SEPTIN11: variants seen among roughly 807,000 people sequenced by gnomAD.
SEPTIN11 encodes the protein septin-11.
A neutral mutation model predicts 51.4 loss-of-function variants in SEPTIN11; 25 were observed. The ratio of observed to expected loss-of-function variants is 0.49; its 90% CI spans 0.35 to 0.68. The LOEUF (loss-of-function observed/expected upper bound fraction) is 0.68. Among genes scored for constraint, SEPTIN11 ranks in the 30% least tolerant of loss-of-function variants. The pLI is 0.00. For missense variants in SEPTIN11, 381 were observed against 520.8 expected, an observed-to-expected ratio of 0.73 and a Z score of 2.61; for synonymous variants, 174 against 184.1, an observed-to-expected ratio of 0.95 and a Z score of 0.44.
intron 1 of SEPTIN11, among the ~76,000 whole-genome samples, chr4:76,990,758 C>T (rs1028999830): frequency 2.0e-5 from 3 of 152,226 alleles, no homozygotes; most frequent in East Asian, 1.9e-4. Flanking sequence ...AGAATGTTCA[C>T]ACAAGAACAA....
chr4:76,964,298 ATTT>A (rs34041277), intron 1 of SEPTIN11, among the ~76,000 whole-genome samples: 3,019 of 133,330 alleles, frequency 0.023, 86 homozygotes, highest in African/African-American at 0.078. Flanking sequence ...TTGGCCAATC[ATTT>A]TTTTTTTTTT....
At chr4:76,982,681 T>C (rs1364477743) in intron 1 of SEPTIN11, among the ~76,000 whole-genome samples, 1 of 152,238 alleles carries the variant, frequency 6.6e-6, no homozygotes, top group Non-Finnish European at 1.5e-5. Context: ...CAATAACTTA[T>C]CTCCCTAATA....
At chr4:76,978,346 C>A (rs753996042) in intron 1 of SEPTIN11, among the ~76,000 whole-genome samples, 5 of 152,156 alleles carry the variant, frequency 3.3e-5, no homozygotes, top group African/African-American at 7.2e-5. Flanking sequence ...CCATGACAAC[C>A]TACCTCTCCA....
intron 1 of SEPTIN11, among the ~76,000 whole-genome samples, chr4:76,979,876 A>G (rs1374395810): frequency 6.6e-6 from 1 of 151,962 alleles, no homozygotes; most frequent in Non-Finnish European, 1.5e-5. Context: ...GGGGCAAACA[A>G]GCACCCAATA....
At chr4:77,010,028 C>T (rs967858243) in intron 3 of SEPTIN11, 2 of 151,982 alleles carry the variant, frequency 1.3e-5, no homozygotes, top group Admixed American at 1.3e-4. Flanking sequence ...TCTAAAAAGT[C>T]AGGCTTGATT....
In SEPTIN11 at chr4:77,036,432, G is replaced by A. The variant is rs1245516914; in HGVS notation, c.*1920G>A. Reference sequence around the variant, plus strand: ...TGTATGCTTGTTCCAACCACCGCTTGTGTGAGCATTTTTGTGGCTTGTACA... The same window carrying A: ...TGTATGCTTGTTCCAACCACCGCTTATGTGAGCATTTTTGTGGCTTGTACA... On this transcript the variant is annotated 3_prime_UTR_variant, in exon 10 of 10. Transcript: ENST00000264893. The A allele has an allele frequency of 7.6e-6, 9 of 1,179,082 alleles. 1 individual carries two copies. The highest frequency in any genetic ancestry group is 2.1e-6 in the Non-Finnish European group (2 of 948,216). The allele number at this position is 1,179,082 out of a possible 1,614,324, so 73.0% of individuals were successfully genotyped here.
chr4:77,036,467 CT>C lies in SEPTIN11; in HGVS notation c.*1959del, dbSNP rs1727030091. On this transcript the variant is annotated 3_prime_UTR_variant, in exon 10 of 10. Coordinates refer to ENST00000264893, the MANE Select transcript of SEPTIN11 (RefSeq NM_018243.4). ...TTTTGTGGCTTGTACAGAAAGTACA[CT>C]TTTAAATTGTCTCTTGCATCACTAA... 8.0e-7 allele frequency: 1 copy of C among 1,252,506 alleles called. No individual in the cohort carries two copies. Among genetic ancestry groups the C allele is most frequent in the African/African-American group, 1.6e-5 (1 of 64,262 alleles). 77.6% of individuals were successfully genotyped at this position (1,252,506 alleles called of 1,614,324 possible). A position where few individuals can be genotyped will look rare whatever the true frequency, so the allele number is the denominator to read the frequency against.
Position 77,016,655 on chromosome 4 carries a change from T to C in SEPTIN11, c.687+1638T>C, listed in dbSNP as rs573575790. Among the ~76,000 whole-genome samples the C allele has an allele frequency of 8.2e-3, 895 of 109,006 alleles. 30 individuals carry two copies. The highest frequency in any genetic ancestry group is 0.024 in the African/African-American group (720 of 30,148). The allele number at this position is 109,006 out of a possible 152,430, so 71.5% of individuals were successfully genotyped here. On this transcript the variant is annotated intron_variant, in intron 5 of 9. Transcript: ENST00000264893. ...ACACATATATATATATATATATATA[T>C]ACACATATATATATATATATGGCCA...
intron 5 of SEPTIN11, among the ~76,000 whole-genome samples, chr4:77,016,307 G>A (rs560491691): frequency 9.2e-5 from 14 of 151,706 alleles, no homozygotes; most frequent in African/African-American, 2.7e-4. Flanking sequence ...GCTGTGGGTA[G>A]TGGAGGTAGA....
intron 2 of SEPTIN11, among the ~76,000 whole-genome samples, chr4:77,001,412 C>T (rs1724113641): frequency 6.6e-6 from 1 of 151,432 alleles, no homozygotes; most frequent in African/African-American, 2.4e-5. Flanking sequence ...TGCAGTGGTT[C>T]AATCTCCACT....
At position 77,030,852 on chromosome 4, in the gene SEPTIN11, A is replaced by G; in HGVS notation, c.1156A>G (p.Lys386Glu). ...EEKKKVEDKKKELEEEVNNFQ... is the reference protein window; with the variant it reads ...EEKKKVEDKKEELEEEVNNFQ... ...AAAGAAGAAAGTGGAAGACAAGAAG[A>G]AGGAGCTTGAGGAGGAGGTGAACAA... The change falls in exon 9 of 10, where the codon AAG (lysine) becomes GAG (glutamate). Residue 386 changes from lysine (K) to glutamate (E), a missense_variant. Lys to Glu is a moderately conservative substitution (Grantham distance 56). Coordinates refer to ENST00000264893, the MANE Select transcript of SEPTIN11 (RefSeq NM_018243.4). 3 of 1,613,736 alleles carry G rather than the reference A, an allele frequency of 1.9e-6. No individual in the cohort carries two copies. Among genetic ancestry groups the G allele is most frequent in the Non-Finnish European group, 2.5e-6 (3 of 1,179,932 alleles).
At chr4:77,007,502 G>A (rs1038965099) in intron 3 of SEPTIN11, among the ~76,000 whole-genome samples, 1 of 152,100 alleles carries the variant, frequency 6.6e-6, no homozygotes, top group African/African-American at 2.4e-5. Flanking sequence ...CCCCTAAACT[G>A]GGACTTTCCC....
At chr4:76,976,523 G>C (rs1350255752) in intron 1 of SEPTIN11, among the ~76,000 whole-genome samples, 6 of 152,084 alleles carry the variant, frequency 3.9e-5, no homozygotes, top group African/African-American at 1.4e-4. Flanking sequence ...AAGACTCGTT[G>C]GTTGTTCTCC....
At chr4:77,010,245 A>C (rs896117987) in intron 3 of SEPTIN11, among the ~76,000 whole-genome samples, 1 of 152,136 alleles carries the variant, frequency 6.6e-6, no homozygotes, top group African/African-American at 2.4e-5. Flanking sequence ...GCAGCTAGTA[A>C]GTTGTGCGGC....
chr4:76,975,314 T>C (rs1722445800), intron 1 of SEPTIN11, among the ~76,000 whole-genome samples: 1 of 152,146 alleles, frequency 6.6e-6, no homozygotes, highest in African/African-American at 2.4e-5. Context: ...ACTATGACTA[T>C]GTCAGCTTGG....
chr4:76,963,660 T>TA (rs1467843880), intron 1 of SEPTIN11, among the ~76,000 whole-genome samples: 5 of 152,242 alleles, frequency 3.3e-5, no homozygotes, highest in Non-Finnish European at 2.9e-5. Context: ...CTAAAATTTT[T>TA]ATTTTGTTTA....
downstream of SEPTIN11, chr4:77,039,514 C>T: frequency 3.0e-6 from 3 of 985,352 alleles, no homozygotes; most frequent in Non-Finnish European, 3.6e-6. Context: ...CTCATGGTAA[C>T]TCCTGTCCTT....
intron 1 of SEPTIN11, 98 bp downstream of exon 1, chr4:76,950,028 C>A: frequency 8.2e-7 from 1 of 1,225,868 alleles, no homozygotes; most frequent in Non-Finnish European, 1.0e-6. Context: ...GGCGGGTGCT[C>A]GGCCCCGCGG....
rs1471252070 is a variant in SEPTIN11, at chr4:77,038,595, T to A, written c.*4083T>A. On this transcript the variant is annotated 3_prime_UTR_variant, in exon 10 of 10. Coordinates refer to ENST00000264893, the MANE Select transcript of SEPTIN11 (RefSeq NM_018243.4). Reference sequence around the variant, plus strand: ...TGCCAAGACATAAAGCGGGGGAAAATATATTTTTACCCAAACATTATTTGT... The same window carrying A: ...TGCCAAGACATAAAGCGGGGGAAAAAATATTTTTACCCAAACATTATTTGT... 1.0e-6 allele frequency: 1 copy of A among 993,300 alleles called. No individual in the cohort carries two copies. Among genetic ancestry groups the A allele is most frequent in the Non-Finnish European group, 1.2e-6 (1 of 835,012 alleles). 61.5% of individuals were successfully genotyped at this position (993,300 alleles called of 1,614,324 possible).
Sources: gnomAD v4.1 joint callset for allele counts (sites outside exome capture counted in the v4.1 genomes callset) on GRCh38, gnomAD v4.1.1 for gene constraint, MANE v1.5 for transcripts, NCBI Gene and HGNC (gene_info 2026-07-23, HGNC 2026-07-21) for gene names.